CREB5: variants seen among roughly 807,000 people sequenced by gnomAD.
The protein encoded by CREB5 is cAMP responsive element binding protein 5.
A neutral mutation model predicts 57.1 loss-of-function variants in CREB5; 19 were observed. The ratio of observed to expected loss-of-function variants is 0.33; its 90% confidence interval spans 0.23 to 0.49. The LOEUF (loss-of-function observed/expected upper bound fraction) is 0.49. Ranked by LOEUF, CREB5 falls within the 20% of genes least tolerant of loss-of-function variation. CREB5 has a pLI of 0.99. For missense variants in CREB5, 579 were observed against 671.6 expected, an observed-to-expected ratio of 0.86 and a Z score of 1.52; for synonymous variants, 238 against 238.3, an observed-to-expected ratio of 1.00 and a Z score of 0.01.
intron 5 of CREB5, among the ~76,000 whole-genome samples, chr7:28,674,883 T>C (rs1189507193): frequency 6.6e-6 from 1 of 152,226 alleles, no homozygotes; most frequent in African/African-American, 2.4e-5. Flanking sequence ...CCAATTAAAA[T>C]AGAAACTCTG....
intron 5 of CREB5, among the ~76,000 whole-genome samples, chr7:28,580,882 T>C (rs957537801): frequency 1.3e-5 from 2 of 152,162 alleles, no homozygotes; most frequent in African/African-American, 2.4e-5. Context: ...TCATACCCAT[T>C]GAGCTTCAAA....
rs148314421 is a variant in CREB5, at chr7:28,330,214, G to T, written c.-25+30773G>T. ...ATTTCCTGTTTTGAAGGTTTCCTTG[G>T]TATCGTACATTGGCTGTGAAACGCC... On this transcript the variant is annotated intron_variant, in intron 1 of 9. Coordinates refer to the CREB5 transcript ENST00000396299. Among the ~76,000 whole-genome samples, 412 of 152,236 alleles carry T rather than the reference G, an allele frequency of 2.7e-3. 1 individual carries two copies. Among genetic ancestry groups the T allele is most frequent in the African/African-American group, 9.1e-3 (379 of 41,544 alleles).
intron 4 of CREB5, among the ~76,000 whole-genome samples, chr7:28,551,083 A>G (rs890391108): frequency 2.6e-5 from 4 of 152,146 alleles, no homozygotes; most frequent in Non-Finnish European, 4.4e-5. Context: ...CCACAGAAAA[A>G]GGGGCAAGTG....
chr7:28,519,570 C>T (rs751662315), intron 4 of CREB5, among the ~76,000 whole-genome samples: 4 of 152,146 alleles, frequency 2.6e-5, no homozygotes, highest in Non-Finnish European at 4.4e-5. Context: ...ACGTGCCCTC[C>T]CATAGACTTC....
chr7:28,688,709 C>A (rs1017027582), intron 5 of CREB5, among the ~76,000 whole-genome samples: 3 of 152,096 alleles, frequency 2.0e-5, no homozygotes, highest in Non-Finnish European at 2.9e-5. Context: ...CTCAATTGCG[C>A]ACAGGGAAGG....
intron 7 of CREB5, among the ~76,000 whole-genome samples, chr7:28,798,703 G>A (rs1001080463): frequency 2.6e-5 from 4 of 152,176 alleles, no homozygotes; most frequent in Non-Finnish European, 4.4e-5. Context: ...CAGGCTTCTC[G>A]CCGCCTCCCC....
chr7:28,702,349 A>G (rs137902601), intron 5 of CREB5, among the ~76,000 whole-genome samples: 42 of 152,368 alleles, frequency 2.8e-4, no homozygotes, highest in African/African-American at 9.6e-4. Flanking sequence ...CGAAAGCAAA[A>G]TTATAAGCCT....
intron 1 of CREB5, among the ~76,000 whole-genome samples, chr7:28,457,292 G>A (rs140311949): frequency 2.0e-5 from 3 of 152,218 alleles, no homozygotes; most frequent in Non-Finnish European, 2.9e-5. Context: ...CACAGCACCC[G>A]CGATTATGAA....
chr7:28,788,463 A>T (rs1009299122), intron 7 of CREB5, among the ~76,000 whole-genome samples: 2 of 152,098 alleles, frequency 1.3e-5, no homozygotes, highest in African/African-American at 2.4e-5. Context: ...GAACAATCTA[A>T]CCTCATTCTA....
At chr7:28,360,456 C>T (rs1386073603) in intron 1 of CREB5, among the ~76,000 whole-genome samples, 1 of 152,030 alleles carries the variant, frequency 6.6e-6, no homozygotes, top group East Asian at 1.9e-4. Flanking sequence ...GTGAAATAAG[C>T]CAGGCACAGA....
intron 4 of CREB5, among the ~76,000 whole-genome samples, chr7:28,545,775 C>T (rs148018614): frequency 3.3e-4 from 50 of 152,220 alleles, no homozygotes; most frequent in African/African-American, 9.6e-4. Context: ...TCAGTTTCCA[C>T]GCCCATTCTC....
chr7:28,724,372 CTT>C (rs1291273758), intron 7 of CREB5, 40 bp downstream of exon 7: 1 of 1,548,702 alleles, frequency 6.5e-7, no homozygotes, highest in African/African-American at 1.4e-5. Flanking sequence ...TATTCTGTGA[CTT>C]TTTCTTTTGA....
intron 6 of CREB5, among the ~76,000 whole-genome samples, chr7:28,719,172 A>G (rs1282592347): frequency 6.6e-6 from 1 of 152,004 alleles, no homozygotes; most frequent in East Asian, 1.9e-4. Flanking sequence ...TTTCATATCT[A>G]CTCCAAAGTC....
At chr7:28,695,031 T>C (rs1254367593) in intron 5 of CREB5, among the ~76,000 whole-genome samples, 1 of 152,046 alleles carries the variant, frequency 6.6e-6, no homozygotes, top group Non-Finnish European at 1.5e-5. Context: ...TTGAGGCTAG[T>C]CTGAGCAATG....
chr7:28,574,528 G>T (rs1795831372), intron 5 of CREB5, among the ~76,000 whole-genome samples: 1 of 152,158 alleles, frequency 6.6e-6, no homozygotes, highest in Non-Finnish European at 1.5e-5. Flanking sequence ...CTTCTTTATG[G>T]ATAAGTGATA....
chr7:28,731,335 T>C (rs538930973), intron 7 of CREB5, among the ~76,000 whole-genome samples: 3 of 152,248 alleles, frequency 2.0e-5, no homozygotes, highest in African/African-American at 7.2e-5. Context: ...TCTATTTATA[T>C]TTCTACAGAA....
chr7:28,539,629 T>C (rs527630693), intron 4 of CREB5, among the ~76,000 whole-genome samples: 64 of 152,336 alleles, frequency 4.2e-4, no homozygotes, highest in South Asian at 6.2e-4. Context: ...CATTTTCAGG[T>C]GTTGCCTTTG....
intron 8 of CREB5, 110 bp downstream of exon 8, chr7:28,804,632 A>G: frequency 1.5e-6 from 2 of 1,348,086 alleles, no homozygotes; most frequent in Middle Eastern, 1.9e-4. Context: ...CAGGTGTTCT[A>G]TCTCACATTC....
intron 7 of CREB5, among the ~76,000 whole-genome samples, chr7:28,754,945 C>T (rs542583000): frequency 1.3e-5 from 2 of 152,292 alleles, no homozygotes; most frequent in African/African-American, 4.8e-5. Context: ...AACTTTCACA[C>T]CTGAGGCCTG....
Sources: allele counts gnomAD v4.1 joint callset (sites outside exome capture counted in the v4.1 genomes callset), GRCh38; gene constraint gnomAD v4.1.1; transcripts MANE v1.5; gene names NCBI Gene and HGNC (gene_info 2026-07-23, HGNC 2026-07-21).